The following OTC variants were observed in gnomAD, a reference collection of about 807,000 sequenced individuals.
The protein encoded by OTC is ornithine transcarbamylase, mitochondrial.
Under a neutral mutation model 30.3 loss-of-function variants are expected in OTC, and 3 were observed. The ratio of observed to expected loss-of-function variants is 0.10; its 90% CI spans 0.05 to 0.26. OTC has a LOEUF of 0.26. Among genes scored for constraint, OTC ranks in the 10% least tolerant of loss-of-function variants. The pLI, the probability that OTC is intolerant of heterozygous loss-of-function variation, is 1.00. For missense variants in OTC, 194 were observed against 260.3 expected, an observed-to-expected ratio of 0.75 and a Z score of 1.75; for synonymous variants, 111 against 99.7, an observed-to-expected ratio of 1.11 and a Z score of -0.67.
the OTC span, among the ~76,000 whole-genome samples, chrX:38,330,721 C>T: frequency 8.9e-6 from 1 of 111,872 alleles, no homozygotes; most frequent in Admixed American, 9.4e-5. Context: ...CAAAGAGCCC[C>T]CTAGCAATCT....
intron 1 of OTC, among the ~76,000 whole-genome samples, chrX:38,361,302 T>TAA (rs60764868): frequency 0.019 from 2,014 of 104,363 alleles, 51 homozygotes; most frequent in African/African-American, 0.066. Flanking sequence ...GAGACTCCGT[T>TAA]AAAAAAAAAA....
the OTC span, among the ~76,000 whole-genome samples, chrX:38,332,816 C>T: frequency 3.6e-5 from 4 of 110,461 alleles, no homozygotes; most frequent in African/African-American, 1.3e-4. Context: ...CCTGCTCAAG[C>T]AGGGGCTTAG....
At chrX:38,359,249 T>A (rs2068257878) in intron 1 of OTC, among the ~76,000 whole-genome samples, 1 of 111,280 alleles carries the variant, frequency 9.0e-6, no homozygotes, top group Admixed American at 9.5e-5. Context: ...CATACATATG[T>A]CCAGTCATTG....
chrX:38,342,751 A>C, the OTC span, among the ~76,000 whole-genome samples: 25 of 112,051 alleles, frequency 2.2e-4, no homozygotes, highest in South Asian at 3.0e-3. Flanking sequence ...CCTAGGCTCC[A>C]AACACTCAAC....
At chrX:38,361,124 T>C (rs2068269398) in intron 1 of OTC, among the ~76,000 whole-genome samples, 1 of 111,252 alleles carries the variant, frequency 9.0e-6, no homozygotes, top group East Asian at 2.8e-4. Context: ...GTCAACATGG[T>C]GAAACTCCAT....
chrX:38,379,321 A>G (rs1015932442), intron 3 of OTC, among the ~76,000 whole-genome samples: 2 of 111,734 alleles, frequency 1.8e-5, no homozygotes, highest in Non-Finnish European at 3.8e-5. Context: ...GTGGAGACTT[A>G]AAAACAATCT....
chrX:38,367,947 A>G (rs916797226), intron 2 of OTC, among the ~76,000 whole-genome samples: 2 of 110,930 alleles, frequency 1.8e-5, no homozygotes, highest in African/African-American at 6.5e-5. Context: ...CAAACTCTTG[A>G]CCTCAAGTGA....
intron 4 of OTC, among the ~76,000 whole-genome samples, chrX:38,394,895 G>C (rs76153543): frequency 4.6e-5 from 3 of 65,721 alleles, no homozygotes; most frequent in South Asian, 4.2e-4. Flanking sequence ...GTAGTTTCTG[G>C]GGGGGGGCAG....
chrX:38,386,006 G>A (rs10126596), intron 4 of OTC, among the ~76,000 whole-genome samples: 1 of 109,789 alleles, frequency 9.1e-6, no homozygotes, highest in Non-Finnish European at 1.9e-5. Flanking sequence ...AGAATTGCTT[G>A]AGCCCAGGAG....
At chrX:38,389,724 G>A (rs973135395) in intron 4 of OTC, among the ~76,000 whole-genome samples, 1 of 111,616 alleles carries the variant, frequency 9.0e-6, no homozygotes, top group Non-Finnish European at 1.9e-5. Context: ...AAGGACAGGG[G>A]CTTCAAAGCA....
chrX:38,421,788 G>A (rs2068596991), downstream of OTC, among the ~76,000 whole-genome samples: 1 of 111,501 alleles, frequency 9.0e-6, no homozygotes, highest in South Asian at 3.8e-4. Flanking sequence ...GATACCTAGA[G>A]TAGCATTTTC....
the OTC span, among the ~76,000 whole-genome samples, chrX:38,341,894 T>C: frequency 9.1e-6 from 1 of 110,473 alleles, no homozygotes; most frequent in Admixed American, 9.7e-5. Flanking sequence ...AAGCACTGTT[T>C]CCTTTTTATT....
At chrX:38,346,418 A>G in the OTC span, among the ~76,000 whole-genome samples, 92 of 112,528 alleles carry the variant, frequency 8.2e-4, 1 homozygote, top group African/African-American at 2.4e-3. Flanking sequence ...AACATAACAT[A>G]TAACTACCAG....
chrX:38,334,688 G>A, the OTC span, among the ~76,000 whole-genome samples: 2 of 112,374 alleles, frequency 1.8e-5, no homozygotes, highest in African/African-American at 3.2e-5. Context: ...ATTTTAAAGG[G>A]TGAGATAAAC....
intron 4 of OTC, among the ~76,000 whole-genome samples, chrX:38,386,345 C>T (rs1192521881): frequency 1.0e-5 from 1 of 99,937 alleles, no homozygotes; most frequent in Admixed American, 1.1e-4. Context: ...TGCACCCCAG[C>T]CTGGGTGACA....
intron 4 of OTC, among the ~76,000 whole-genome samples, chrX:38,398,074 G>A (rs111879095): frequency 8.9e-5 from 10 of 112,033 alleles, no homozygotes; most frequent in Admixed American, 5.7e-4. Context: ...AAAATTAAAT[G>A]CATGCTTATC....
the OTC span, among the ~76,000 whole-genome samples, chrX:38,342,011 C>CTTTT: frequency 3.5e-5 from 1 of 28,589 alleles, no homozygotes; most frequent in African/African-American, 1.7e-4. Flanking sequence ...TTAAATTTCA[C>CTTTT]TTTTTTTTTT....
At chrX:38,400,688 T>G (rs1416115159) in intron 4 of OTC, among the ~76,000 whole-genome samples, 1 of 112,142 alleles carries the variant, frequency 8.9e-6, no homozygotes, top group Non-Finnish European at 1.9e-5. Flanking sequence ...CCAGCGCTAT[T>G]CTCCCCACTG....
intron 1 of OTC, among the ~76,000 whole-genome samples, chrX:38,357,319 G>A (rs1052657265): frequency 3.6e-5 from 4 of 111,925 alleles, no homozygotes; most frequent in African/African-American, 1.3e-4. Flanking sequence ...ATCTACCTTT[G>A]CCTAATATCC....
Sources: allele counts gnomAD v4.1 joint callset (sites outside exome capture counted in the v4.1 genomes callset), GRCh38; gene constraint gnomAD v4.1.1; transcripts MANE v1.5; gene names NCBI Gene and HGNC (gene_info 2026-07-23, HGNC 2026-07-21).